The following NBEA variants were observed in gnomAD, a reference collection of about 807,000 sequenced individuals.
NBEA encodes lysosomal-trafficking regulator 2.
In NBEA, 44 loss-of-function variants were observed where a neutral mutation model predicts 343.4. The ratio of observed to expected loss-of-function variants is 0.13; its 90% confidence interval spans 0.10 to 0.16. The LOEUF (loss-of-function observed/expected upper bound fraction) is 0.16, where lower values mean the gene tolerates loss of function less well. Among genes scored for constraint, NBEA ranks in the 10% least tolerant of loss-of-function variants. The pLI is 1.00. For synonymous variants in NBEA, 1,175 were observed against 1,238.7 expected (o/e 0.95, Z 1.08); for missense variants, 2,555 against 3,631.3 (o/e 0.70, Z 7.62).
chr13:35,105,296 A>C (rs2065863498), intron 11 of NBEA, among the ~76,000 whole-genome samples: 1 of 152,054 alleles, frequency 6.6e-6, no homozygotes, highest in Non-Finnish European at 1.5e-5. Flanking sequence ...GGAGCATCCC[A>C]AGCATAAAAA....
At chr13:35,295,856 G>A (rs1278588974) in intron 35 of NBEA, among the ~76,000 whole-genome samples, 1 of 152,098 alleles carries the variant, frequency 6.6e-6, no homozygotes, top group Non-Finnish European at 1.5e-5. Context: ...CTTTTGATTA[G>A]TTCTATGAGA....
At chr13:35,183,145 C>A (rs2071432097) in intron 29 of NBEA, among the ~76,000 whole-genome samples, 2 of 152,074 alleles carry the variant, frequency 1.3e-5, no homozygotes, top group South Asian at 4.1e-4. Flanking sequence ...TGCAGCAGTT[C>A]TTGCATTACT....
intron 39 of NBEA, among the ~76,000 whole-genome samples, chr13:35,437,156 C>G (rs1390909476): frequency 6.6e-6 from 1 of 152,058 alleles, no homozygotes; most frequent in Non-Finnish European, 1.5e-5. Flanking sequence ...CTAAATTCAA[C>G]TAAACATTTT....
At chr13:34,965,984 A>C (rs1199238809) in intron 1 of NBEA, among the ~76,000 whole-genome samples, 1 of 152,070 alleles carries the variant, frequency 6.6e-6, no homozygotes, top group Non-Finnish European at 1.5e-5. Flanking sequence ...TCATGAGAAG[A>C]AACACTATTA....
intron 38 of NBEA, among the ~76,000 whole-genome samples, chr13:35,393,455 A>G (rs1473789930): frequency 6.6e-6 from 1 of 152,124 alleles, no homozygotes; most frequent in Non-Finnish European, 1.5e-5. Context: ...ATCCTTTGGT[A>G]TGCTTTTTTC....
At chr13:35,538,467 A>G (rs1262143981) in intron 41 of NBEA, among the ~76,000 whole-genome samples, 1 of 151,256 alleles carries the variant, frequency 6.6e-6, no homozygotes, top group East Asian at 2.0e-4. Context: ...TTATTCATAC[A>G]TAAGTACATA....
chr13:35,019,298 T>G (rs1327574145), intron 1 of NBEA, among the ~76,000 whole-genome samples: 3 of 151,394 alleles, frequency 2.0e-5, no homozygotes, highest in African/African-American at 7.3e-5. Context: ...TTTTTTTTTG[T>G]TTTTTGTTTT....
At chr13:35,611,914 G>A (rs550253391) in intron 48 of NBEA, among the ~76,000 whole-genome samples, 30 of 152,000 alleles carry the variant, frequency 2.0e-4, no homozygotes, top group Non-Finnish European at 3.4e-4. Flanking sequence ...TTATTTATTT[G>A]GGGTATAGAC....
chr13:35,060,111 A>G (rs1374189055), intron 8 of NBEA, among the ~76,000 whole-genome samples: 3 of 151,784 alleles, frequency 2.0e-5, no homozygotes, highest in Non-Finnish European at 2.9e-5. Flanking sequence ...GAGTTTTTTC[A>G]TAAAATACTT....
chr13:35,081,205 C>T (rs1337167320), intron 10 of NBEA, among the ~76,000 whole-genome samples: 1 of 152,090 alleles, frequency 6.6e-6, no homozygotes, highest in South Asian at 2.1e-4. Context: ...TATATCTCAT[C>T]AGGGTTATGA....
chr13:35,133,463 A>G (rs1037508213), intron 17 of NBEA, among the ~76,000 whole-genome samples: 14 of 152,088 alleles, frequency 9.2e-5, no homozygotes, highest in African/African-American at 3.1e-4. Flanking sequence ...AAATATACTT[A>G]TACTCTATGA....
At position 35,031,500 on chromosome 13, in the gene NBEA, T is replaced by C. The variant is rs578246139; in HGVS notation, c.295-9433T>C. On this transcript the variant is annotated intron_variant, in intron 1 of 58. Coordinates refer to ENST00000379939, the MANE Select transcript of NBEA (RefSeq NM_001385012.1). ...GTATTCGATTGGTGACTACTTTTTTTCTTTTTTTTTAATAGCTGGAAGCTG... is the reference window on the plus strand; with the variant it reads ...GTATTCGATTGGTGACTACTTTTTTCCTTTTTTTTTAATAGCTGGAAGCTG... Among the ~76,000 whole-genome samples the C allele has an allele frequency of 1.3e-3, 193 of 150,908 alleles. 1 individual carries two copies. Among genetic ancestry groups the C allele is most frequent in the African/African-American group, 4.4e-3 (179 of 40,900 alleles).
At chr13:35,654,692 G>T (rs1049281103) in intron 53 of NBEA, among the ~76,000 whole-genome samples, 163 bp from the exon 54 acceptor site, 1 of 151,944 alleles carries the variant, frequency 6.6e-6, no homozygotes, top group Admixed American at 6.6e-5. Flanking sequence ...TAATTACTGC[G>T]AAGGAAATTT....
At chr13:35,480,402 A>T (rs980855716) in intron 41 of NBEA, among the ~76,000 whole-genome samples, 2 of 152,134 alleles carry the variant, frequency 1.3e-5, no homozygotes, top group Non-Finnish European at 2.9e-5. Context: ...AATCTCAGTA[A>T]TTGTAACCTT....
intron 30 of NBEA, among the ~76,000 whole-genome samples, chr13:35,192,910 G>A (rs1369199980): frequency 2.0e-5 from 3 of 151,796 alleles, no homozygotes; most frequent in African/African-American, 7.2e-5. Flanking sequence ...CATATATAAC[G>A]ATACTTAGAC....
At chr13:35,133,354 T>C (rs2067531893) in intron 17 of NBEA, among the ~76,000 whole-genome samples, 1 of 152,122 alleles carries the variant, frequency 6.6e-6, no homozygotes, top group Non-Finnish European at 1.5e-5. Flanking sequence ...TATCAAGTGT[T>C]GACAAAGGAT....
chr13:35,330,725 T>C (rs1342237813), intron 36 of NBEA, among the ~76,000 whole-genome samples: 1 of 152,074 alleles, frequency 6.6e-6, no homozygotes, highest in East Asian at 1.9e-4. Context: ...CGCAAAGGCA[T>C]GAATAATTGA....
At chr13:35,052,189 C>T (rs1457322121) in intron 6 of NBEA, among the ~76,000 whole-genome samples, 1 of 151,972 alleles carries the variant, frequency 6.6e-6, no homozygotes, top group Admixed American at 6.6e-5. Flanking sequence ...TAAATTCATT[C>T]TCTTGTTTAT....
At chr13:35,596,106 A>C (rs558084833) in intron 47 of NBEA, among the ~76,000 whole-genome samples, 9 of 151,266 alleles carry the variant, frequency 5.9e-5, no homozygotes, top group African/African-American at 2.2e-4. Context: ...GTGTGTGTGC[A>C]TGTGTGTGTG....
Sources: allele counts gnomAD v4.1 joint callset (sites outside exome capture counted in the v4.1 genomes callset), GRCh38; gene constraint gnomAD v4.1.1; transcripts MANE v1.5; gene names NCBI Gene and HGNC (gene_info 2026-07-23, HGNC 2026-07-21).